The following NOS1 variants were observed in gnomAD, a reference collection of about 807,000 sequenced individuals.
NOS1 encodes the protein NOS type I.
A neutral mutation model predicts 164.5 loss-of-function variants in NOS1; 51 were observed. The observed-to-expected ratio is 0.31, with a 90% CI of 0.25 to 0.39. NOS1 has a LOEUF of 0.39. Among genes scored for constraint, NOS1 ranks in the 10% least tolerant of loss-of-function variants. The probability of loss-of-function intolerance (pLI) is 1.00; values close to 1 mark genes in which losing one functional copy is unlikely to be tolerated. For synonymous variants in NOS1, 719 were observed against 745.8 expected, an observed-to-expected ratio of 0.96 and a Z score of 0.59; for missense variants, 1,362 against 1,885.6, an observed-to-expected ratio of 0.72 and a Z score of 5.14.
intron 2 of NOS1, among the ~76,000 whole-genome samples, chr12:117,321,580 C>A (rs1442856897): frequency 3.9e-5 from 6 of 152,080 alleles, no homozygotes; most frequent in African/African-American, 1.4e-4. Flanking sequence ...CGAGAGTAAT[C>A]CCCAGGAAGG....
intron 5 of NOS1, 146 bp downstream of exon 5, chr12:117,287,928 A>G: frequency 1.3e-6 from 1 of 762,796 alleles, no homozygotes; most frequent in Non-Finnish European, 2.1e-6. Context: ...TGGGGAACAG[A>G]TGTGACCTAT....
intron 1 of NOS1, among the ~76,000 whole-genome samples, chr12:117,351,934 A>AT (rs1388945275): frequency 6.6e-6 from 1 of 152,136 alleles, no homozygotes; most frequent in Non-Finnish European, 1.5e-5. Flanking sequence ...TAATCCCAGC[A>AT]TTTTGGGAGG....
intron 1 of NOS1, among the ~76,000 whole-genome samples, chr12:117,336,483 G>A (rs529671540): frequency 2.0e-5 from 3 of 152,282 alleles, no homozygotes; most frequent in South Asian, 2.1e-4. Flanking sequence ...CATGGACTGT[G>A]GCAGGTTCAG....
intron 9 of NOS1, among the ~76,000 whole-genome samples, chr12:117,277,080 G>A (rs1300596665): frequency 6.6e-6 from 1 of 152,070 alleles, no homozygotes. Flanking sequence ...CATAGTGGTT[G>A]TACTAATTTA....
intron 2 of NOS1, among the ~76,000 whole-genome samples, chr12:117,324,190 C>T (rs1301125482): frequency 6.6e-6 from 1 of 152,144 alleles, no homozygotes; most frequent in East Asian, 1.9e-4. Flanking sequence ...GCCTCGCCCT[C>T]ATCTATGAAA....
At chr12:117,301,132 A>G (rs1451337747) in intron 3 of NOS1, among the ~76,000 whole-genome samples, 1 of 152,004 alleles carries the variant, frequency 6.6e-6, no homozygotes, top group Non-Finnish European at 1.5e-5. Flanking sequence ...ATCATACTCA[A>G]TTTCATTTCT....
intron 26 of NOS1, 79 bp from the exon 27 acceptor site, chr12:117,220,348 G>C (rs1482205210): frequency 2.0e-5 from 28 of 1,410,266 alleles, no homozygotes; most frequent in Non-Finnish European, 7.6e-6. Flanking sequence ...CCAGGAAGCA[G>C]AGCCTGACTC....
chr12:117,360,474 G>T (rs377291176), intron 1 of NOS1, among the ~76,000 whole-genome samples: 2 of 152,238 alleles, frequency 1.3e-5, no homozygotes, highest in East Asian at 3.9e-4. Context: ...CCTCCCTAGA[G>T]CCTCCTTTGC....
intron 2 of NOS1, among the ~76,000 whole-genome samples, chr12:117,321,487 A>C (rs1361437453): frequency 6.6e-6 from 1 of 152,154 alleles, no homozygotes; most frequent in Non-Finnish European, 1.5e-5. Flanking sequence ...GGGCAGGCTT[A>C]TCCCATGGCT....
intron 2 of NOS1, among the ~76,000 whole-genome samples, chr12:117,315,105 T>A (rs993634161): frequency 6.6e-6 from 1 of 152,198 alleles, no homozygotes; most frequent in African/African-American, 2.4e-5. Context: ...CATTCTTTTT[T>A]TAAAAAAAAT....
At chr12:117,275,113 C>T (rs1352144342) in intron 9 of NOS1, among the ~76,000 whole-genome samples, 2 of 151,902 alleles carry the variant, frequency 1.3e-5, no homozygotes. Context: ...ATTGCATGCC[C>T]ATATCAAAAC....
intron 1 of NOS1, among the ~76,000 whole-genome samples, chr12:117,333,531 G>A (rs1233346384): frequency 1.3e-5 from 2 of 152,098 alleles, no homozygotes; most frequent in African/African-American, 2.4e-5. Context: ...TCCCCTCAAT[G>A]GGGGGGTGTG....
intron 20 of NOS1, among the ~76,000 whole-genome samples, chr12:117,238,810 C>T (rs545401800): frequency 3.9e-5 from 6 of 152,050 alleles, no homozygotes; most frequent in African/African-American, 9.7e-5. Flanking sequence ...CCACTGCACC[C>T]GGCCCTTTCT....
intron 11 of NOS1, among the ~76,000 whole-genome samples, chr12:117,266,935 T>C (rs1317835526): frequency 1.3e-5 from 2 of 152,206 alleles, no homozygotes; most frequent in Non-Finnish European, 2.9e-5. Flanking sequence ...TGAAACCTCA[T>C]TCTCCATGGT....
chr12:117,332,815 A>C (rs925288534), intron 1 of NOS1, among the ~76,000 whole-genome samples: 1 of 152,020 alleles, frequency 6.6e-6, no homozygotes, highest in African/African-American at 2.4e-5. Context: ...CAGTGAGCTG[A>C]GATTACGCCA....
intron 1 of NOS1, among the ~76,000 whole-genome samples, chr12:117,332,762 G>A (rs965110037): frequency 6.6e-6 from 1 of 152,140 alleles, no homozygotes; most frequent in Non-Finnish European, 1.5e-5. Flanking sequence ...CTACTCAGGA[G>A]GCTGAGGCAC....
intron 12 of NOS1, among the ~76,000 whole-genome samples, chr12:117,264,259 C>T (rs1214813115): frequency 6.6e-6 from 1 of 151,994 alleles, no homozygotes; most frequent in African/African-American, 2.4e-5. Context: ...TGACTACTCA[C>T]TCTCATTTCA....
chr12:117,317,739 T>C (rs1011017994), intron 2 of NOS1, among the ~76,000 whole-genome samples: 2 of 151,998 alleles, frequency 1.3e-5, no homozygotes, highest in Admixed American at 6.6e-5. Flanking sequence ...CCCTCTCAGG[T>C]GTCCTTCTCT....
chr12:117,355,414 T>C (rs1204607784), intron 1 of NOS1, among the ~76,000 whole-genome samples: 1 of 152,190 alleles, frequency 6.6e-6, no homozygotes, highest in Non-Finnish European at 1.5e-5. Context: ...ATGTTAAAGC[T>C]GAAAAGGTCT....
Sources: gnomAD v4.1 joint callset for allele counts (sites outside exome capture counted in the v4.1 genomes callset) on GRCh38, gnomAD v4.1.1 for gene constraint, MANE v1.5 for transcripts, NCBI Gene and HGNC (gene_info 2026-07-23, HGNC 2026-07-21) for gene names.